Variants in ARPP21 observed in about 807,000 individuals in gnomAD.
ARPP21 encodes the protein cAMP-regulated phosphoprotein 21.
In ARPP21, 69 loss-of-function variants were observed where a neutral mutation model predicts 113.2. The ratio of observed to expected loss-of-function variants is 0.61; its 90% CI spans 0.50 to 0.74. The LOEUF (loss-of-function observed/expected upper bound fraction) is 0.74. ARPP21 is among the 30% of genes least tolerant of loss of function. ARPP21 has a pLI of 0.00. For missense variants in ARPP21, 1,070 were observed against 1,037.4 expected (o/e 1.03, Z -0.43); for synonymous variants, 368 against 375.5 (o/e 0.98, Z 0.23).
intron 19 of ARPP21, among the ~76,000 whole-genome samples, chr3:35,779,435 CT>C (rs1270621656): frequency 6.6e-6 from 1 of 152,068 alleles, no homozygotes; most frequent in Non-Finnish European, 1.5e-5. Flanking sequence ...GATTTTGTCC[CT>C]GATTTATGAG....
intron 9 of ARPP21, among the ~76,000 whole-genome samples, chr3:35,692,739 C>G (rs13094598): frequency 6.6e-6 from 1 of 151,290 alleles, no homozygotes; most frequent in African/African-American, 2.4e-5. Context: ...ACCTGATCTG[C>G]CCGGTATGGT....
chr3:35,766,348 C>T (rs1218810643), intron 19 of ARPP21, among the ~76,000 whole-genome samples: 1 of 152,054 alleles, frequency 6.6e-6, no homozygotes, highest in Non-Finnish European at 1.5e-5. Context: ...AGGTGCCAAT[C>T]TCTTTATTGA....
chr3:35,766,897 A>G (rs1024021559), intron 19 of ARPP21, among the ~76,000 whole-genome samples: 1 of 152,136 alleles, frequency 6.6e-6, no homozygotes, highest in African/African-American at 2.4e-5. Context: ...AAGTATTCCA[A>G]GGCAATGGTG....
At chr3:35,775,067 CA>C (rs1265094573) in intron 19 of ARPP21, 1 of 152,022 alleles carries the variant, frequency 6.6e-6, no homozygotes, top group Non-Finnish European at 1.5e-5. Flanking sequence ...TTAATATAAC[CA>C]TTCTATCCCA....
chr3:35,668,704 T>G (rs13078820), intron 1 of ARPP21, among the ~76,000 whole-genome samples: 16,897 of 152,212 alleles, frequency 0.11, 983 homozygotes, highest in Non-Finnish European at 0.13. Flanking sequence ...TAATGCCTTG[T>G]GAGACTGACT....
rs954285864 is a variant in ARPP21 at position 35,794,210 on chromosome 3, C to T, written c.*252C>T. 1.8e-6 allele frequency: 1 copy of T among 543,400 alleles called. No homozygotes were observed. The highest frequency in any genetic ancestry group is 2.3e-5 in the South Asian group (1 of 43,498). 33.7% of individuals were successfully genotyped at this position (543,400 alleles called of 1,614,324 possible). On this transcript the variant is annotated 3_prime_UTR_variant, in exon 21 of 21. Transcript: ENST00000684406. ...GAATTCATCAAGGTAAGATTTTCTCCTACCACTGAATACCACTGTGTAGAT... is the reference window on the plus strand; with the variant it reads ...GAATTCATCAAGGTAAGATTTTCTCTTACCACTGAATACCACTGTGTAGAT...
intron 14 of ARPP21, among the ~76,000 whole-genome samples, chr3:35,727,775 C>A (rs1487495764): frequency 6.6e-6 from 1 of 152,148 alleles, no homozygotes; most frequent in African/African-American, 2.4e-5. Context: ...TTTCTCTTGG[C>A]TTCTCTGGTT....
At chr3:35,655,260 T>G (rs1053404613) in intron 1 of ARPP21, among the ~76,000 whole-genome samples, 39 of 152,094 alleles carry the variant, frequency 2.6e-4, no homozygotes, top group African/African-American at 9.4e-4. Flanking sequence ...GATATCTACA[T>G]TTATATATGT....
chr3:35,745,969 A>C (rs6801590), intron 19 of ARPP21, among the ~76,000 whole-genome samples: 56,738 of 151,992 alleles, frequency 0.37, 12,526 homozygotes, highest in African/African-American at 0.62. Context: ...GCATCAAGCT[A>C]AATATAGAAG....
At position 35,683,718 on chromosome 3, in the gene ARPP21, C is replaced by G. The variant is rs376125168; in HGVS notation, c.172-8C>G. On this transcript the variant is annotated splice_region_variant and splice_polypyrimidine_tract_variant and intron_variant, in intron 4 of 20. Transcript: ENST00000684406. ...TCCTTTCCTTCCCTTTTCTTTCCCC[C>G]CTCCTAGTCAGGAGCAGGAAAAGGT... 3.9e-6 allele frequency: 4 copies of G among 1,029,296 alleles called. No individual in the cohort carries two copies. Among genetic ancestry groups the G allele is most frequent in the South Asian group, 2.6e-5 (2 of 77,290 alleles). 63.8% of individuals were successfully genotyped at this position (1,029,296 alleles called of 1,614,324 possible). A position where few individuals can be genotyped will look rare whatever the true frequency, so the allele number is the denominator to read the frequency against.
At chr3:35,685,342 T>A in intron 5 of ARPP21, 3 of 985,280 alleles carry the variant, frequency 3.0e-6, no homozygotes, top group Non-Finnish European at 3.6e-6. Flanking sequence ...TAGGAGAGAA[T>A]GAGAGCCTGC....
At chr3:35,701,101 A>G (rs769111792) in intron 9 of ARPP21, among the ~76,000 whole-genome samples, 6 of 151,596 alleles carry the variant, frequency 4.0e-5, no homozygotes, top group Admixed American at 6.6e-5. Flanking sequence ...GATCAATGGA[A>G]TCAATTTGGT....
rs2081559310 is a variant in ARPP21, at chr3:35,689,331, C to T, written c.431C>T (p.Ser144Phe). Residue 144 changes from serine to phenylalanine, a missense_variant, in exon 7 of 21, where the codon TCT (serine) becomes TTT (phenylalanine). Ser to Phe is a radical substitution (Grantham distance 155). Transcript: ENST00000684406. ...GATTGCAGCCAAGAATACACGGATT[C>T]TACAGGCATAGACTTACACGAGTTT... ...SKDCSQEYTD[S>F]TGIDLHEFLI... 1 of 1,583,570 alleles carries T rather than the reference C, an allele frequency of 6.3e-7. No homozygotes were observed. The highest frequency in any genetic ancestry group is 8.7e-7 in the Non-Finnish European group (1 of 1,153,196).
chr3:35,791,244 A>C (rs2096741563), intron 19 of ARPP21, among the ~76,000 whole-genome samples: 1 of 152,196 alleles, frequency 6.6e-6, no homozygotes, highest in Non-Finnish European at 1.5e-5. Context: ...ATGCATGTTG[A>C]TTAGCTAGTT....
chr3:35,673,706 G>A (rs1269827516), intron 1 of ARPP21, among the ~76,000 whole-genome samples: 1 of 151,854 alleles, frequency 6.6e-6, no homozygotes, highest in Non-Finnish European at 1.5e-5. Flanking sequence ...TTACCTAAAT[G>A]TCTCTTCCTT....
chr3:35,693,234 A>T (rs2082775965), intron 9 of ARPP21, among the ~76,000 whole-genome samples: 2 of 151,686 alleles, frequency 1.3e-5, no homozygotes, highest in South Asian at 4.1e-4. Flanking sequence ...TTCGTGAGTC[A>T]AAGCAAATCA....
intron 19 of ARPP21, among the ~76,000 whole-genome samples, chr3:35,763,303 T>C (rs2095846876): frequency 6.6e-6 from 1 of 152,138 alleles, no homozygotes; most frequent in African/African-American, 2.4e-5. Flanking sequence ...GGGCTGTTGA[T>C]AGAAGGTGGA....
intron 1 of ARPP21, among the ~76,000 whole-genome samples, chr3:35,651,182 CT>C (rs1434909667): frequency 6.6e-6 from 1 of 151,944 alleles, no homozygotes; most frequent in Non-Finnish European, 1.5e-5. Flanking sequence ...GAAGGATAAT[CT>C]TTTTTTAAAG....
In ARPP21 at chr3:35,743,910, G is replaced by T. The variant is rs370098685; in HGVS notation, c.2082G>T (p.Pro694=). 6.2e-7 allele frequency: 1 copy of T among 1,614,066 alleles called. No homozygotes were observed. Among genetic ancestry groups the T allele is most frequent in the South Asian group, 1.1e-5 (1 of 91,076 alleles). ...STTQQYRPMA[P]VQYNAQRSQQ... ...CGCAACAGTACCGGCCCATGGCCCCGGTTCAGTACAACGCTCAGAGGAGTC... is the reference window on the plus strand; with the variant it reads ...CGCAACAGTACCGGCCCATGGCCCCTGTTCAGTACAACGCTCAGAGGAGTC... The change falls in exon 19 of 21, where the codon CCG becomes CCT. Residue 694 remains proline (P), a synonymous_variant. Coordinates refer to ENST00000684406, the MANE Select transcript of ARPP21 (RefSeq NM_001385562.1).
Sources: gnomAD v4.1 joint callset for allele counts (sites outside exome capture counted in the v4.1 genomes callset) on GRCh38, gnomAD v4.1.1 for gene constraint, MANE v1.5 for transcripts, NCBI Gene and HGNC (gene_info 2026-07-23, HGNC 2026-07-21) for gene names.